VOPP1: variants seen among roughly 807,000 people sequenced by gnomAD.
VOPP1 encodes VOPP1 WW domain binding protein, also known as WW domain binding protein VOPP1.
A neutral mutation model predicts 23.5 loss-of-function variants in VOPP1; 8 were observed. That is an observed-to-expected ratio of 0.34 (90% CI 0.20 to 0.61). The LOEUF (loss-of-function observed/expected upper bound fraction) is 0.61. Among genes scored for constraint, VOPP1 ranks in the 20% least tolerant of loss-of-function variants. The pLI, the probability that VOPP1 is intolerant of heterozygous loss-of-function variation, is 0.78. For missense variants in VOPP1, 174 were observed against 238.1 expected (o/e 0.73, Z 1.77); for synonymous variants, 83 against 97.3 (o/e 0.85, Z 0.86).
intron 4 of VOPP1, among the ~76,000 whole-genome samples, chr7:55,445,779 T>C (rs1182214709): frequency 6.6e-6 from 1 of 152,196 alleles, no homozygotes; most frequent in Non-Finnish European, 1.5e-5. Flanking sequence ...TGGTAGCCAC[T>C]AGCCACATAT....
chr7:55,553,555 T>C (rs2222589), intron 1 of VOPP1, among the ~76,000 whole-genome samples: 43,562 of 151,948 alleles, frequency 0.29, 7,766 homozygotes, highest in East Asian at 0.53. Flanking sequence ...ACGAAACCAA[T>C]GATACAAATT....
chr7:55,474,819 A>G (rs1419486189), intron 4 of VOPP1, among the ~76,000 whole-genome samples: 3 of 152,190 alleles, frequency 2.0e-5, no homozygotes, highest in African/African-American at 7.2e-5. Context: ...CCAGGAGAGG[A>G]GCATGAAGTG....
At position 55,570,346 on chromosome 7, in the gene VOPP1, T is replaced by C. The variant is rs147839145; in HGVS notation, c.54+1925A>G. 3.4e-3 allele frequency among the ~76,000 whole-genome samples: 517 copies of C among 152,356 alleles called. 3 individuals carry two copies. Among genetic ancestry groups the C allele is most frequent in the African/African-American group, 0.011 (475 of 41,592 alleles). ...CATGTCAAAGTGGGTGACATCACAC[T>C]GTCCCCTCTGAAACAATCATCTAAT... On this transcript the variant is annotated intron_variant, in intron 1 of 4. Coordinates refer to ENST00000285279, the MANE Select transcript of VOPP1 (RefSeq NM_030796.5).
intron 2 of VOPP1, among the ~76,000 whole-genome samples, chr7:55,501,652 G>C (rs1398167669): frequency 1.3e-5 from 2 of 152,276 alleles, no homozygotes; most frequent in Middle Eastern, 3.4e-3. Context: ...TCAAATTCTA[G>C]AAGATACAAC....
chr7:55,451,445 G>C (rs1791240946), intron 4 of VOPP1, among the ~76,000 whole-genome samples: 1 of 152,172 alleles, frequency 6.6e-6, no homozygotes, highest in African/African-American at 2.4e-5. Flanking sequence ...AGTCTATGAA[G>C]TGCACAACAG....
intron 2 of VOPP1, among the ~76,000 whole-genome samples, chr7:55,499,593 T>C (rs945145322): frequency 1.3e-5 from 2 of 152,206 alleles, no homozygotes; most frequent in African/African-American, 4.8e-5. Context: ...TAATAAGTTC[T>C]TCTGTGGTGA....
chr7:55,557,287 G>A (rs907828680), intron 1 of VOPP1, among the ~76,000 whole-genome samples: 2 of 152,142 alleles, frequency 1.3e-5, no homozygotes, highest in Non-Finnish European at 1.5e-5. Flanking sequence ...AGGGCAGCAC[G>A]GAGCCTGGGG....
At chr7:55,566,830 T>C (rs1798178502) in intron 1 of VOPP1, among the ~76,000 whole-genome samples, 1 of 152,174 alleles carries the variant, frequency 6.6e-6, no homozygotes, top group African/African-American at 2.4e-5. Flanking sequence ...GGTGAGATGA[T>C]TTAAAACCAT....
intron 1 of VOPP1, among the ~76,000 whole-genome samples, chr7:55,524,080 ACACT>A (rs746390099): frequency 2.0e-5 from 3 of 152,176 alleles, no homozygotes; most frequent in Non-Finnish European, 4.4e-5. Context: ...ACTCACACAG[ACACT>A]CACTCTTCTG....
At chr7:55,512,442 A>T (rs145516607) in intron 2 of VOPP1, among the ~76,000 whole-genome samples, 5 of 152,274 alleles carry the variant, frequency 3.3e-5, no homozygotes, top group Admixed American at 6.5e-5. Flanking sequence ...AAGGAAAAGA[A>T]AAATAAATCA....
intron 4 of VOPP1, among the ~76,000 whole-genome samples, chr7:55,439,841 G>A (rs1790921776): frequency 6.6e-6 from 1 of 152,230 alleles, no homozygotes; most frequent in South Asian, 2.1e-4. Context: ...CACCCAGGAG[G>A]AGAATGAATG....
intron 4 of VOPP1, among the ~76,000 whole-genome samples, chr7:55,441,530 G>C (rs529296657): frequency 6.6e-6 from 1 of 152,302 alleles, no homozygotes; most frequent in South Asian, 2.1e-4. Context: ...GCCTTATGGG[G>C]TTATTGGGAG....
chr7:55,489,930 C>T (rs1583893918), intron 4 of VOPP1, among the ~76,000 whole-genome samples: 1 of 152,252 alleles, frequency 6.6e-6, no homozygotes, highest in East Asian at 1.9e-4. Flanking sequence ...GACAACTTCA[C>T]TATGGGTACA....
At chr7:55,498,514 G>A (rs556212044) in intron 2 of VOPP1, among the ~76,000 whole-genome samples, 1 of 152,316 alleles carries the variant, frequency 6.6e-6, no homozygotes, top group East Asian at 1.9e-4. Context: ...TCCTTGAAGA[G>A]AGAAGATGCC....
chr7:55,544,726 G>T (rs1797292436), intron 1 of VOPP1, among the ~76,000 whole-genome samples: 1 of 152,154 alleles, frequency 6.6e-6, no homozygotes, highest in Admixed American at 6.5e-5. Flanking sequence ...GAGCAGAGTT[G>T]GTGGAGACCG....
intron 4 of VOPP1, among the ~76,000 whole-genome samples, chr7:55,477,059 G>C (rs1007571557): frequency 6.6e-6 from 1 of 152,124 alleles, no homozygotes; most frequent in African/African-American, 2.4e-5. Flanking sequence ...CCTCATGCCA[G>C]GCACCTCCTA....
chr7:55,445,759 G>C (rs747038281), intron 4 of VOPP1, among the ~76,000 whole-genome samples: 2 of 152,106 alleles, frequency 1.3e-5, no homozygotes, highest in Admixed American at 6.5e-5. Flanking sequence ...TAGAGCTGTG[G>C]TGTCCAATAT....
intron 1 of VOPP1, among the ~76,000 whole-genome samples, chr7:55,555,556 A>G (rs1797773443): frequency 2.0e-5 from 3 of 152,186 alleles, no homozygotes; most frequent in African/African-American, 7.2e-5. Flanking sequence ...GGTGCCAGAT[A>G]AGATCCAGCT....
intron 2 of VOPP1, among the ~76,000 whole-genome samples, chr7:55,503,577 T>C (rs984829591): frequency 1.3e-5 from 2 of 152,188 alleles, no homozygotes; most frequent in Admixed American, 6.5e-5. Context: ...GGATGGAAAG[T>C]GTCTCCCCTA....
Sources: allele counts gnomAD v4.1 joint callset (sites outside exome capture counted in the v4.1 genomes callset), GRCh38; gene constraint gnomAD v4.1.1; transcripts MANE v1.5; gene names NCBI Gene and HGNC (gene_info 2026-07-23, HGNC 2026-07-21).